Variants in ZNF468 observed in about 807,000 individuals in gnomAD.
The protein encoded by ZNF468 is zinc finger protein 468.
Under a neutral mutation model 7.2 loss-of-function variants are expected in ZNF468, and 8 were observed. That is an observed-to-expected ratio of 1.11 (90% CI 0.65 to 2.01). ZNF468 has a LOEUF of 2.01. ZNF468 is among the 30% of genes most tolerant of loss of function. The pLI, the probability that ZNF468 is intolerant of heterozygous loss-of-function variation, is 0.00. For missense variants in ZNF468, 608 were observed against 626.5 expected, an observed-to-expected ratio of 0.97 and a Z score of 0.31; for synonymous variants, 218 against 214.4, an observed-to-expected ratio of 1.02 and a Z score of -0.15.
rs1434416400 is a variant in ZNF468, at chr19:52,840,525, C to T, written c.*200G>A. 1.3e-5 allele frequency: 14 copies of T among 1,101,780 alleles called. No homozygotes were observed. Among genetic ancestry groups the T allele is most frequent in the Admixed American group, 6.1e-5 (3 of 49,258 alleles). The allele number at this position is 1,101,780 out of a possible 1,614,324, so 68.3% of individuals were successfully genotyped here. On this transcript the variant is annotated 3_prime_UTR_variant, in exon 4 of 4. Coordinates refer to ENST00000595646, the MANE Select transcript of ZNF468 (RefSeq NM_001008801.2). The stretch of plus-strand genomic sequence containing the variant: ...CTTATGTGTTTTAAGGTTTGATTTA[C>T]AACTGAAAACTTTTGTCACATTCCT...
At chr19:52,842,395 C>T (rs61425250) in intron 3 of ZNF468, among the ~76,000 whole-genome samples, 45,726 of 151,654 alleles carry the variant, frequency 0.3, 7,230 homozygotes, top group South Asian at 0.46. Context: ...GGCACAAACA[C>T]GTGTGAGTCT....
intron 3 of ZNF468, among the ~76,000 whole-genome samples, chr19:52,845,533 C>T (rs2063335888): frequency 2.0e-5 from 3 of 152,050 alleles, no homozygotes; most frequent in South Asian, 4.2e-4. Flanking sequence ...GTGGTGCAGG[C>T]CTGTAGTCGC....
chr19:52,848,616 T>C (rs59829511), intron 3 of ZNF468, among the ~76,000 whole-genome samples: 11,084 of 152,174 alleles, frequency 0.073, 504 homozygotes, highest in South Asian at 0.095. Context: ...AGCAGTGTGT[T>C]CTCCACTCAC....
rs377672656 is a variant in ZNF468 at position 52,841,422 on chromosome 19, G to C, written c.872C>G (p.Ala291Gly). The C allele has an allele frequency of 2.2e-5, 36 of 1,613,688 alleles. No individual in the cohort carries two copies. The African/African-American group carries it at 4.1e-4, about 19-fold the overall frequency. Residue 291 changes from alanine to glycine, a missense_variant, in exon 4 of 4, where the codon GCG (alanine) becomes GGG (glycine). By Grantham distance (60) the Ala-to-Gly change is moderately conservative. Transcript: ENST00000595646. ...ATAAGGTTTCTCTCCAGTATGAAGC[G>C]CTTTGTGAATGAAGAGGGATGAATT... The part of the protein sequence containing the change: ...GHNSSLFIHK[A>G]LHTGEKPYEC...
chr19:52,845,587 A>C (rs1222022990), intron 3 of ZNF468, among the ~76,000 whole-genome samples: 1 of 152,152 alleles, frequency 6.6e-6, no homozygotes, highest in Non-Finnish European at 1.5e-5. Flanking sequence ...TGAACCCAGA[A>C]GGTGGAGGTT....
intron 3 of ZNF468, among the ~76,000 whole-genome samples, chr19:52,843,120 C>CAAAAAAA (rs11356842): frequency 2.9e-5 from 2 of 68,682 alleles, no homozygotes; most frequent in Non-Finnish European, 6.4e-5. Context: ...GACTCTGTCT[C>CAAAAAAA]AAAAAAAAAA....
At chr19:52,843,239 T>C (rs1397059291) in intron 3 of ZNF468, among the ~76,000 whole-genome samples, 1 of 152,016 alleles carries the variant, frequency 6.6e-6, no homozygotes, top group Non-Finnish European at 1.5e-5. Flanking sequence ...ATTTTTTGTA[T>C]TTTTGTTTTT....
chr19:52,846,168 G>A (rs1010036720), intron 3 of ZNF468, among the ~76,000 whole-genome samples: 2 of 152,044 alleles, frequency 1.3e-5, no homozygotes, highest in African/African-American at 4.8e-5. Context: ...AAATAATTCT[G>A]ACATAAATAA....
intron 2 of ZNF468, 60 bp downstream of exon 2, chr19:52,854,198 C>A (rs2063416532): frequency 3.1e-6 from 5 of 1,612,638 alleles, no homozygotes; most frequent in Non-Finnish European, 4.2e-6. Flanking sequence ...TTCCCAACTC[C>A]AAGGCCCAGG....
chr19:52,844,320 A>G (rs1277880881), intron 3 of ZNF468, among the ~76,000 whole-genome samples: 3 of 152,122 alleles, frequency 2.0e-5, no homozygotes, highest in African/African-American at 7.2e-5. Flanking sequence ...ATTAGGACAC[A>G]GCAGGAAGAT....
chr19:52,846,915 C>G (rs1181970427), intron 3 of ZNF468, among the ~76,000 whole-genome samples: 1 of 152,008 alleles, frequency 6.6e-6, no homozygotes, highest in African/African-American at 2.4e-5. Flanking sequence ...GAACAAGAAT[C>G]CTTTGAGCCC....
rs992386033 is a variant in ZNF468, at chr19:52,840,035, TGTAAG to T, written c.*685_*689del. 341 of 1,294,202 alleles carry T rather than the reference TGTAAG, an allele frequency of 2.6e-4. 1 individual carries two copies. Among genetic ancestry groups the T allele is most frequent in the Non-Finnish European group, 2.9e-4 (286 of 971,546 alleles). The allele number at this position is 1,294,202 out of a possible 1,614,324, so 80.2% of individuals were successfully genotyped here. A position where few individuals can be genotyped will look rare whatever the true frequency, so the allele number is the denominator to read the frequency against. On this transcript the variant is annotated 3_prime_UTR_variant, in exon 4 of 4. Coordinates refer to ENST00000595646, the MANE Select transcript of ZNF468 (RefSeq NM_001008801.2). ...AAGGGTTTGCCACACTCATTGCACT[TGTAAG>T]GTTTCTCTCCAGTGTGAATTCTAGT...
chr19:52,852,097 G>A (rs1006853925), intron 2 of ZNF468, among the ~76,000 whole-genome samples: 1 of 152,096 alleles, frequency 6.6e-6, no homozygotes, highest in Non-Finnish European at 1.5e-5. Context: ...CGGGCACAGT[G>A]GCTCACACTT....
At chr19:52,851,945 T>C (rs1287277238) in intron 2 of ZNF468, among the ~76,000 whole-genome samples, 2 of 152,166 alleles carry the variant, frequency 1.3e-5, no homozygotes, top group African/African-American at 2.4e-5. Context: ...TATGTATGTA[T>C]GTATATATTT....
intron 1 of ZNF468, among the ~76,000 whole-genome samples, chr19:52,856,464 T>C (rs2063439843): frequency 3.2e-5 from 4 of 124,578 alleles, no homozygotes; most frequent in African/African-American, 1.1e-4. Flanking sequence ...GATTTCTGCC[T>C]CTTCTCCCAT....
At chr19:52,844,416 T>A (rs2147730596) in intron 3 of ZNF468, among the ~76,000 whole-genome samples, 1 of 152,294 alleles carries the variant, frequency 6.6e-6, no homozygotes, top group East Asian at 1.9e-4. Context: ...CCCAAATTCA[T>A]TAGAAATAAA....
At chr19:52,857,201 C>T (rs1437078429) in intron 1 of ZNF468, among the ~76,000 whole-genome samples, 1 of 151,908 alleles carries the variant, frequency 6.6e-6, no homozygotes, top group Non-Finnish European at 1.5e-5. Flanking sequence ...GGACTGGGGT[C>T]GCCGCGCTGT....
intron 2 of ZNF468, 49 bp downstream of exon 2, chr19:52,854,209 G>T: frequency 6.2e-7 from 1 of 1,613,226 alleles, no homozygotes; most frequent in South Asian, 1.1e-5. Context: ...AAGGCCCAGG[G>T]TATCTGAAAG....
rs1468577524 is a variant in ZNF468, at chr19:52,841,999, A to G, written c.295T>C (p.Phe99Leu). The change falls in exon 4 of 4, where the codon TTT (phenylalanine) becomes CTT (leucine). Residue 99 changes from phenylalanine to leucine, a missense_variant. Phe to Leu is a conservative substitution (Grantham distance 22). Coordinates refer to ENST00000595646, the MANE Select transcript of ZNF468 (RefSeq NM_001008801.2). Reference sequence around the variant, plus strand: ...TTTGTTTCATCTTCTTTCCACTGAAACTCGAAGCCATGAATGTCTTTCTCA... The same window carrying G: ...TTTGTTTCATCTTCTTTCCACTGAAGCTCGAAGCCATGAATGTCTTTCTCA... ...EIEKDIHGFEFQWKEDETNGH... is the reference protein window; with the variant it reads ...EIEKDIHGFELQWKEDETNGH... 9 of 1,613,790 alleles carry G rather than the reference A, an allele frequency of 5.6e-6. No individual in the cohort carries two copies. The highest frequency in any genetic ancestry group is 7.6e-6 in the Non-Finnish European group (9 of 1,179,894).
Sources: gnomAD v4.1 joint callset for allele counts (sites outside exome capture counted in the v4.1 genomes callset) on GRCh38, gnomAD v4.1.1 for gene constraint, MANE v1.5 for transcripts, NCBI Gene and HGNC (gene_info 2026-07-23, HGNC 2026-07-21) for gene names.